GPC5: variants seen among roughly 807,000 people sequenced by gnomAD.
GPC5 encodes glypican 5, also known as glypican-5.
A neutral mutation model predicts 53.9 loss-of-function variants in GPC5; 47 were observed. That is an observed-to-expected ratio of 0.87 (90% CI 0.69 to 1.11). The LOEUF is 1.11. GPC5 is among the 50% of genes most tolerant of loss of function. GPC5 has a pLI of 0.00. For synonymous variants in GPC5, 286 were observed against 263.3 expected, an observed-to-expected ratio of 1.09 and a Z score of -0.84; for missense variants, 748 against 713.1, an observed-to-expected ratio of 1.05 and a Z score of -0.56.
At chr13:91,529,093 A>G (rs1273192015) in intron 2 of GPC5, among the ~76,000 whole-genome samples, 1 of 152,234 alleles carries the variant, frequency 6.6e-6, no homozygotes, top group East Asian at 1.9e-4. Flanking sequence ...ATGAAATGTC[A>G]GTATAATTAG....
intron 7 of GPC5, among the ~76,000 whole-genome samples, chr13:92,757,120 G>T (rs1375797292): frequency 6.6e-6 from 1 of 151,952 alleles, no homozygotes; most frequent in Non-Finnish European, 1.5e-5. Flanking sequence ...CATGGTACTG[G>T]TACCAAAACA....
At chr13:92,531,877 A>G (rs1881577846) in intron 7 of GPC5, among the ~76,000 whole-genome samples, 1 of 152,214 alleles carries the variant, frequency 6.6e-6, no homozygotes, top group Non-Finnish European at 1.5e-5. Flanking sequence ...ATCATTTCAC[A>G]CAGTCCAACT....
intron 6 of GPC5, among the ~76,000 whole-genome samples, chr13:92,048,214 T>C (rs1484065746): frequency 6.6e-6 from 1 of 152,074 alleles, no homozygotes; most frequent in Non-Finnish European, 1.5e-5. Context: ...CTGAATTATA[T>C]GTAATATCAT....
chr13:91,847,185 CT>C lies in GPC5; in HGVS notation c.1281-60751del, dbSNP rs1461384632. Among the ~76,000 whole-genome samples, 6 of 141,962 alleles carry C rather than the reference CT, an allele frequency of 4.2e-5. No homozygotes were observed. The East Asian group carries it at 1.3e-3, about 30-fold the overall frequency. The allele number at this position is 141,962 out of a possible 152,430, so 93.1% of individuals were successfully genotyped here. A position where few individuals can be genotyped will look rare whatever the true frequency, so the allele number is the denominator to read the frequency against. ...AGTGAGCCGAGATGGCGCCACTGCA[CT>C]CCAAGCCTGGGCGACAGAGCAAGAC... is the stretch of plus-strand genomic sequence containing the variant. On this transcript the variant is annotated intron_variant, in intron 5 of 7. Transcript: ENST00000377067.
chr13:92,694,511 C>T lies in GPC5; in HGVS notation c.1562-171771C>T, dbSNP rs149540258. On this transcript the variant is annotated intron_variant, in intron 7 of 7. Transcript: ENST00000377067. ...AGACTCAAAGGAGATTATTTCAAAG[C>T]TTTAAGATTTAATGACTGCCTCTCT... Among the ~76,000 whole-genome samples, 1,225 of 152,276 alleles carry T rather than the reference C, an allele frequency of 8.0e-3. 13 individuals are homozygous for T. Among genetic ancestry groups the T allele is most frequent in the African/African-American group, 0.028 (1,150 of 41,560 alleles).
Position 92,088,728 on chromosome 13 carries a change from T to C in GPC5, c.1402-56102T>C, listed in dbSNP as rs1378242919. Among the ~76,000 whole-genome samples the C allele has an allele frequency of 2.0e-5, 3 of 152,186 alleles. No individual in the cohort carries two copies. The East Asian group carries it at 5.8e-4, about 29-fold the overall frequency. On this transcript the variant is annotated intron_variant, in intron 6 of 7. Coordinates refer to ENST00000377067, the MANE Select transcript of GPC5 (RefSeq NM_004466.6). Reference sequence around the variant, plus strand: ...TCTCTGTGTATATATATCACATATATGAGTAATGATATTAGAGGTTTTATA... The same window carrying C: ...TCTCTGTGTATATATATCACATATACGAGTAATGATATTAGAGGTTTTATA...
intron 2 of GPC5, among the ~76,000 whole-genome samples, chr13:91,493,648 C>A (rs2139263632): frequency 6.6e-6 from 1 of 152,212 alleles, no homozygotes; most frequent in South Asian, 2.1e-4. Context: ...GCCCTCGAGG[C>A]TGCCTGAAAT....
intron 6 of GPC5, among the ~76,000 whole-genome samples, chr13:92,072,836 G>A (rs1217381374): frequency 6.6e-6 from 1 of 152,122 alleles, no homozygotes; most frequent in Non-Finnish European, 1.5e-5. Flanking sequence ...CTCTCAAAGT[G>A]CTGGGATTAC....
chr13:92,866,708 G>A lies in GPC5; in HGVS notation c.*269G>A, dbSNP rs1879348555. ...TAAATCTGAAGATGTGAAGGGCACA[G>A]AAGTGACTTTGAATAAGAAGAATTT... On this transcript the variant is annotated 3_prime_UTR_variant, in exon 8 of 8. Coordinates refer to ENST00000377067, the MANE Select transcript of GPC5 (RefSeq NM_004466.6). 1 of 243,972 alleles carries A rather than the reference G, an allele frequency of 4.1e-6. No individual in the cohort carries two copies. The highest frequency in any genetic ancestry group is 5.5e-5 in the Admixed American group (1 of 18,222). The allele number at this position is 243,972 out of a possible 1,614,324, so 15.1% of individuals were successfully genotyped here.
chr13:92,166,805 G>A (rs1157712009), intron 7 of GPC5, among the ~76,000 whole-genome samples: 1 of 152,002 alleles, frequency 6.6e-6, no homozygotes, highest in East Asian at 1.9e-4. Context: ...GGAACTTATT[G>A]GAAAGAAAGC....
At chr13:91,893,568 C>CT in intron 5 of GPC5, among the ~76,000 whole-genome samples, 1 of 152,020 alleles carries the variant, frequency 6.6e-6, no homozygotes, top group East Asian at 1.9e-4. Flanking sequence ...GATCTTATAG[C>CT]TTTCATTCTA....
chr13:91,946,439 ACTCT>A (rs1386296399), intron 6 of GPC5, among the ~76,000 whole-genome samples: 3 of 152,070 alleles, frequency 2.0e-5, no homozygotes, highest in Non-Finnish European at 4.4e-5. Context: ...TTTAGGTTTT[ACTCT>A]CTAACATAAT....
chr13:91,683,355 T>TGGCATCTAGAACTGAGAA (rs1215334120), intron 2 of GPC5, among the ~76,000 whole-genome samples: 1 of 152,194 alleles, frequency 6.6e-6, no homozygotes, highest in African/African-American at 2.4e-5. Context: ...TTGGGATGCC[T>TGGCATCTAGAACTGAGAA]GGCATCTAGA....
chr13:92,690,984 G>T (rs1270895225), intron 7 of GPC5, among the ~76,000 whole-genome samples: 2 of 64,410 alleles, frequency 3.1e-5, no homozygotes, highest in South Asian at 9.3e-4. Context: ...GTCAGACAGG[G>T]ACACTTAAGT....
At chr13:91,555,321 C>A (rs1361635060) in intron 2 of GPC5, among the ~76,000 whole-genome samples, 1 of 152,010 alleles carries the variant, frequency 6.6e-6, no homozygotes, top group Non-Finnish European at 1.5e-5. Flanking sequence ...AAGTCAAGAA[C>A]CAATGCCTGT....
At chr13:92,364,655 G>A (rs1034835089) in intron 7 of GPC5, among the ~76,000 whole-genome samples, 3 of 151,678 alleles carry the variant, frequency 2.0e-5, no homozygotes, top group African/African-American at 7.3e-5. Context: ...GCGTGAACCC[G>A]GGAGGCGGAG....
rs371123240 is a variant in GPC5, at chr13:91,777,639, T to C, written c.1280+21219T>C. On this transcript the variant is annotated intron_variant, in intron 5 of 7. Coordinates refer to ENST00000377067, the MANE Select transcript of GPC5 (RefSeq NM_004466.6). ...TCCGGGCTCTATACAAAATTTATTGTATTTTAAATTAAAAAATGTCCTTGA... is the reference window on the plus strand; with the variant it reads ...TCCGGGCTCTATACAAAATTTATTGCATTTTAAATTAAAAAATGTCCTTGA... Among the ~76,000 whole-genome samples the C allele has an allele frequency of 1.8e-4, 28 of 152,328 alleles. No individual in the cohort carries two copies. The East Asian group carries it at 4.8e-3, about 26-fold the overall frequency.
At chr13:92,090,649 C>T (rs2041372732) in intron 6 of GPC5, among the ~76,000 whole-genome samples, 1 of 152,050 alleles carries the variant, frequency 6.6e-6, no homozygotes, top group African/African-American at 2.4e-5. Flanking sequence ...GATGGGAAAC[C>T]CGTTAATATT....
At chr13:92,321,209 C>T (rs1300065897) in intron 7 of GPC5, among the ~76,000 whole-genome samples, 1 of 152,094 alleles carries the variant, frequency 6.6e-6, no homozygotes, top group Non-Finnish European at 1.5e-5. Context: ...CAATGCATTT[C>T]TAAGTAAATT....
Sources: allele counts gnomAD v4.1 joint callset (sites outside exome capture counted in the v4.1 genomes callset), GRCh38; gene constraint gnomAD v4.1.1; transcripts MANE v1.5; gene names NCBI Gene and HGNC (gene_info 2026-07-23, HGNC 2026-07-21).